SAA1: variants seen among roughly 807,000 people sequenced by gnomAD.
SAA1 encodes the protein serum amyloid A-1 protein.
SAA1 carries 4 observed loss-of-function variants against 9.8 expected under a neutral mutation model. The observed-to-expected ratio is 0.41, with a 90% CI of 0.20 to 0.93. The LOEUF (loss-of-function observed/expected upper bound fraction) is 0.93, where lower values mean the gene tolerates loss of function less well. Among genes scored for constraint, SAA1 ranks in the 40% least tolerant of loss-of-function variants. SAA1 has a pLI of 0.33. For synonymous variants in SAA1, 47 were observed against 57.7 expected (o/e 0.82, Z 0.84); for missense variants, 114 against 155.5 (o/e 0.73, Z 1.42).
Position 18,268,933 on chromosome 11 carries a change from T to C in SAA1, c.92-262T>C, listed in dbSNP as rs191694963. On this transcript the variant is annotated intron_variant, in intron 2 of 3. Transcript: ENST00000356524. ...CACCTTTCTCAGCATCAGTATTCCA[T>C]GTCACTACCTCATTCATACACACTC... Among the ~76,000 whole-genome samples, 104 of 151,706 alleles carry C rather than the reference T, an allele frequency of 6.9e-4. 1 individual carries two copies. Among genetic ancestry groups the C allele is most frequent in the African/African-American group, 2.3e-3 (96 of 41,250 alleles).
rs1342574994 is a variant in SAA1 at position 18,269,872 on chromosome 11, G to C, written c.*17G>C. ...AAATACTGAGCTTCCTCTTCACTCT[G>C]CTCTCAGGAGATCTGGCTGTGAGGC... On this transcript the variant is annotated 3_prime_UTR_variant, in exon 4 of 4. Coordinates refer to ENST00000356524, the MANE Select transcript of SAA1 (RefSeq NM_199161.5). 6 of 1,613,326 alleles carry C rather than the reference G, an allele frequency of 3.7e-6. No homozygotes were observed. In the Admixed American group the frequency reaches 1.0e-4, roughly 27 times the overall value.
At chr11:18,268,135 C>T (rs750358924) in intron 2 of SAA1, among the ~76,000 whole-genome samples, 86 of 151,910 alleles carry the variant, frequency 5.7e-4, no homozygotes, top group Admixed American at 1.3e-3. Flanking sequence ...CTTTGGGAGG[C>T]CAAGGTGGAT....
At chr11:18,268,873 C>CTTTAGTAG (rs1414197922) in intron 2 of SAA1, among the ~76,000 whole-genome samples, 7 of 120,052 alleles carry the variant, frequency 5.8e-5, no homozygotes, top group Non-Finnish European at 1.0e-4. Flanking sequence ...AGAATATAAA[C>CTTTAGTAG]TTTAGTAGTC....
At position 18,269,319 on chromosome 11, in the gene SAA1, T is replaced by G; in HGVS notation, c.216T>G (p.Ala72=). ...AAKRGPGGAW[A]AEVITDAREN... is the part of the protein sequence containing the mutation. ...AAAGGGGACCTGGGGGTGCCTGGGC[T>G]GCAGAAGTGATCACGTAACTGGAGC... The change falls in exon 3 of 4, where the codon GCT becomes GCG. Residue 72 remains alanine (A), a synonymous_variant. Coordinates refer to ENST00000356524, the MANE Select transcript of SAA1 (RefSeq NM_199161.5). 1 of 1,432,976 alleles carries G rather than the reference T, an allele frequency of 7.0e-7. No homozygotes were observed. Among genetic ancestry groups the G allele is most frequent in the East Asian group, 2.6e-5 (1 of 38,658 alleles). 88.8% of individuals were successfully genotyped at this position (1,432,976 alleles called of 1,614,324 possible).
Position 18,269,667 on chromosome 11 carries a change from T to C in SAA1, c.231-50T>C, listed in dbSNP as rs371660527. ...ACAGGGAGAATGGGAGGGTGGGCTATTGCTCACTGGCCTGATTATTAATCT... is the reference window on the plus strand; with the variant it reads ...ACAGGGAGAATGGGAGGGTGGGCTACTGCTCACTGGCCTGATTATTAATCT... On this transcript the variant is annotated intron_variant, in intron 3 of 3. Transcript: ENST00000356524. 19 of 1,606,368 alleles carry C rather than the reference T, an allele frequency of 1.2e-5. No homozygotes were observed. The Admixed American group carries it at 2.3e-4, about 20-fold the overall frequency.
intron 2 of SAA1, among the ~76,000 whole-genome samples, chr11:18,267,876 G>A (rs1431686523): frequency 7.7e-5 from 11 of 142,514 alleles, no homozygotes; most frequent in African/African-American, 2.9e-4. Context: ...AGGTGGCAGG[G>A]CAGAGGTTTG....
rs900843725 is a variant in SAA1, at chr11:18,269,272, C to T, written c.169C>T (p.Arg57Trp). Residue 57 changes from arginine to tryptophan, a missense_variant, in exon 3 of 4, where the codon CGG (arginine) becomes TGG (tryptophan). Coordinates refer to ENST00000356524, the MANE Select transcript of SAA1 (RefSeq NM_199161.5). ...YIGSDKYFHA[R>W]GNYDAAKRGP... ...CGGCTCAGACAAATACTTCCATGCTCGGGGGAACTATGATGCTGCCAAAAG... is the reference window on the plus strand; with the variant it reads ...CGGCTCAGACAAATACTTCCATGCTTGGGGGAACTATGATGCTGCCAAAAG... 4.2e-5 allele frequency: 67 copies of T among 1,594,036 alleles called. No homozygotes were observed. Among genetic ancestry groups the T allele is most frequent in the Non-Finnish European group, 4.8e-5 (56 of 1,168,372 alleles).
chr11:18,269,695 T>C (rs2134169159), intron 3 of SAA1, 22 bp from the exon 4 acceptor site: 1 of 1,613,614 alleles, frequency 6.2e-7, no homozygotes, highest in African/African-American at 1.3e-5. Flanking sequence ...ATTAATCTCC[T>C]TCTTGCCTGC....
At chr11:18,268,818 G>A (rs1464329048) in intron 2 of SAA1, among the ~76,000 whole-genome samples, 8 of 75,662 alleles carry the variant, frequency 1.1e-4, no homozygotes, top group Non-Finnish European at 2.0e-4. Flanking sequence ...GGGCGACAGA[G>A]CAAGACTCTG....
intron 2 of SAA1, 76 bp from the exon 3 acceptor site, chr11:18,269,119 C>T: frequency 6.2e-7 from 1 of 1,608,738 alleles, no homozygotes; most frequent in South Asian, 1.1e-5. Flanking sequence ...ATTTGTCCTT[C>T]CTCATTCCCC....
chr11:18,268,615 C>G (rs1289292236), intron 2 of SAA1, among the ~76,000 whole-genome samples: 2 of 151,800 alleles, frequency 1.3e-5, no homozygotes, highest in African/African-American at 2.4e-5. Flanking sequence ...AGGGGGATCA[C>G]GAGGTCAGGA....
At chr11:18,268,831 T>TAAAAAAAAAAAA (rs371021832) in intron 2 of SAA1, among the ~76,000 whole-genome samples, 6 of 110,644 alleles carry the variant, frequency 5.4e-5, no homozygotes, top group Admixed American at 9.0e-5. Context: ...AGACTCTGTC[T>TAAAAAAAAAAAA]AAAAAAAAAA....
At chr11:18,269,075 T>C (rs1858129365) in intron 2 of SAA1, 120 bp from the exon 3 acceptor site, 2 of 1,522,510 alleles carry the variant, frequency 1.3e-6, no homozygotes, top group African/African-American at 1.4e-5. Context: ...AAGGCTGCTA[T>C]GATCACAGGC....
In SAA1 at chr11:18,269,862, T is replaced by C; in HGVS notation, c.*7T>C. Reference sequence around the variant, plus strand: ...CCTGCCTGAGAAATACTGAGCTTCCTCTTCACTCTGCTCTCAGGAGATCTG... The same window carrying C: ...CCTGCCTGAGAAATACTGAGCTTCCCCTTCACTCTGCTCTCAGGAGATCTG... On this transcript the variant is annotated 3_prime_UTR_variant, in exon 4 of 4. Coordinates refer to ENST00000356524, the MANE Select transcript of SAA1 (RefSeq NM_199161.5). The C allele has an allele frequency of 6.2e-7, 1 of 1,613,962 alleles. No individual in the cohort carries two copies. Among genetic ancestry groups the C allele is most frequent in the Non-Finnish European group, 8.5e-7 (1 of 1,179,994 alleles).
Position 18,266,921 on chromosome 11 carries a change from T to C in SAA1, c.34T>C (p.Leu12=). 1.2e-6 allele frequency: 2 copies of C among 1,612,632 alleles called. No individual in the cohort carries two copies. Among genetic ancestry groups the C allele is most frequent in the Non-Finnish European group, 1.7e-6 (2 of 1,179,692 alleles). The change falls in exon 2 of 4, where the codon TTG becomes CTG. Residue 12 remains leucine (L), a synonymous_variant. Transcript: ENST00000356524. The part of the protein sequence containing the change: ...KLLTGLVFCS[L]VLGVSSRSFF... ...TCTCACGGGCCTGGTTTTCTGCTCC[T>C]TGGTCCTGGGTGTCAGCAGCCGAAG...
In SAA1 at chr11:18,269,768, G is replaced by A. The variant is rs11545465; in HGVS notation, c.282G>A (p.Ser94=). The change falls in exon 4 of 4, where the codon TCG becomes TCA. Residue 94 remains serine, a synonymous_variant. Coordinates refer to ENST00000356524, the MANE Select transcript of SAA1 (RefSeq NM_199161.5). Reference sequence around the variant, plus strand: ...TCTTTGGCCATGGTGCGGAGGACTCGCTGGCTGATCAGGCTGCCAATGAAT... The same window carrying A: ...TCTTTGGCCATGGTGCGGAGGACTCACTGGCTGATCAGGCTGCCAATGAAT... ...QRFFGHGAED[S]LADQAANEWG... is the part of the protein sequence containing the mutation. The A allele has an allele frequency of 6.2e-6, 10 of 1,613,934 alleles. No individual in the cohort carries two copies. The highest frequency in any genetic ancestry group is 5.0e-5 in the Admixed American group (3 of 59,994).
At chr11:18,268,831 TAA>T (rs371021832) in intron 2 of SAA1, among the ~76,000 whole-genome samples, 63 of 110,578 alleles carry the variant, frequency 5.7e-4, no homozygotes, top group African/African-American at 1.8e-3. Flanking sequence ...AGACTCTGTC[TAA>T]AAAAAAAAAA....
At chr11:18,269,644 A>G (rs577798734) in intron 3 of SAA1, 73 bp from the exon 4 acceptor site, 27 of 1,576,420 alleles carry the variant, frequency 1.7e-5, no homozygotes, top group Admixed American at 1.0e-4. Flanking sequence ...CCCTTGGAAC[A>G]GGGAGAATGG....
rs1858138561 is a variant in SAA1, at chr11:18,269,249, G to A, written c.146G>A (p.Gly49Asp). The A allele has an allele frequency of 6.2e-7, 1 of 1,602,340 alleles. No individual in the cohort carries two copies. Among genetic ancestry groups the A allele is most frequent in the African/African-American group, 1.3e-5 (1 of 74,394 alleles). ...YSDMREANYIGSDKYFHARGN... is the reference protein window; with the variant it reads ...YSDMREANYIDSDKYFHARGN... ...GACATGAGAGAAGCCAATTACATCGGCTCAGACAAATACTTCCATGCTCGG... is the reference window on the plus strand; with the variant it reads ...GACATGAGAGAAGCCAATTACATCGACTCAGACAAATACTTCCATGCTCGG... The change falls in exon 3 of 4, where the codon GGC becomes GAC. Residue 49 changes from glycine to aspartate, a missense_variant. Coordinates refer to ENST00000356524, the MANE Select transcript of SAA1 (RefSeq NM_199161.5).
Sources: gnomAD v4.1 joint callset for allele counts (sites outside exome capture counted in the v4.1 genomes callset) on GRCh38, gnomAD v4.1.1 for gene constraint, MANE v1.5 for transcripts, NCBI Gene and HGNC (gene_info 2026-07-23, HGNC 2026-07-21) for gene names.